PDE3A: variants seen among roughly 807,000 people sequenced by gnomAD.
The protein encoded by PDE3A is cGMP-inhibited 3',5'-cyclic phosphodiesterase 3A.
In PDE3A, 43 loss-of-function variants were observed where a neutral mutation model predicts 98.3. The observed-to-expected ratio is 0.44, with a 90% confidence interval of 0.34 to 0.56. PDE3A has a LOEUF of 0.56. PDE3A is among the 20% of genes least tolerant of loss of function. The pLI is 0.01. For synonymous variants in PDE3A, 663 were observed against 567.9 expected (o/e 1.17, Z -2.38); for missense variants, 1,427 against 1,440.7 (o/e 0.99, Z 0.15).
In PDE3A at chr12:20,685,661, G is replaced by C. The variant is rs914511416; in HGVS notation, c.*5390G>C. On this transcript the variant is annotated 3_prime_UTR_variant, in exon 16 of 16. Transcript: ENST00000359062. ...CACATTTTCTTTCCAGATACAGCTA[G>C]TTTTTCTCCACATGTTTTTAAGGTT... 5.3e-5 allele frequency among the ~76,000 whole-genome samples: 8 copies of C among 152,108 alleles called. No homozygotes were observed. The highest frequency in any genetic ancestry group is 1.2e-4 in the Non-Finnish European group (8 of 68,004).
intron 1 of PDE3A, among the ~76,000 whole-genome samples, chr12:20,477,813 A>C (rs1014724757): frequency 1.4e-4 from 22 of 152,202 alleles, no homozygotes; most frequent in Non-Finnish European, 2.1e-4. Flanking sequence ...ACGCCATAGC[A>C]ACCTGGCCTC....
chr12:20,645,828 C>G (rs1159066340), intron 10 of PDE3A, among the ~76,000 whole-genome samples: 4 of 152,124 alleles, frequency 2.6e-5, no homozygotes, highest in African/African-American at 9.7e-5. Flanking sequence ...TAGGTTTTAA[C>G]TCTTCTAAAT....
intron 1 of PDE3A, among the ~76,000 whole-genome samples, chr12:20,541,402 C>A (rs2121220543): frequency 6.6e-6 from 1 of 151,938 alleles, no homozygotes; most frequent in African/African-American, 2.4e-5. Flanking sequence ...ACCATACCTA[C>A]CCCTCTATTT....
chr12:20,678,580 T>C (rs938042092), intron 15 of PDE3A, among the ~76,000 whole-genome samples: 2 of 152,226 alleles, frequency 1.3e-5, no homozygotes, highest in Non-Finnish European at 2.9e-5. Context: ...TTATCAGTGC[T>C]TACTTGTTCC....
chr12:20,633,043 C>T (rs1311491080), intron 6 of PDE3A, among the ~76,000 whole-genome samples: 4 of 148,946 alleles, frequency 2.7e-5, no homozygotes, highest in Admixed American at 6.8e-5. Flanking sequence ...CTCCATCTCC[C>T]AGGTTCAAGC....
chr12:20,424,608 G>T (rs947843615), intron 1 of PDE3A, among the ~76,000 whole-genome samples: 22 of 152,150 alleles, frequency 1.4e-4, no homozygotes, highest in Non-Finnish European at 5.9e-5. Context: ...AGGTGGTGTA[G>T]AATGATGTTT....
chr12:20,456,560 A>G (rs1945154916), intron 1 of PDE3A, among the ~76,000 whole-genome samples: 3 of 152,088 alleles, frequency 2.0e-5, no homozygotes, highest in Non-Finnish European at 4.4e-5. Context: ...AACAGACCAG[A>G]GTTCCAGTAA....
intron 1 of PDE3A, among the ~76,000 whole-genome samples, chr12:20,410,423 G>C (rs1426714834): frequency 6.6e-6 from 1 of 152,152 alleles, no homozygotes; most frequent in African/African-American, 2.4e-5. Flanking sequence ...CATAATTTCT[G>C]TTCTTTCTGC....
intron 2 of PDE3A, among the ~76,000 whole-genome samples, chr12:20,589,463 ATAAC>A (rs1277901214): frequency 1.3e-5 from 2 of 152,174 alleles, no homozygotes; most frequent in African/African-American, 4.8e-5. Flanking sequence ...CAATGACCTG[ATAAC>A]TAACAGAAGT....
intron 1 of PDE3A, among the ~76,000 whole-genome samples, chr12:20,447,195 A>C (rs1591941869): frequency 6.6e-6 from 1 of 152,218 alleles, no homozygotes; most frequent in African/African-American, 2.4e-5. Context: ...AGTGGCTTGG[A>C]GGTGACAGTG....
chr12:20,544,064 T>C (rs1287452933), intron 1 of PDE3A, among the ~76,000 whole-genome samples: 2 of 151,724 alleles, frequency 1.3e-5, no homozygotes, highest in Non-Finnish European at 2.9e-5. Context: ...CTACACTTTT[T>C]AATTATTCAG....
chr12:20,484,099 A>G (rs182676723), intron 1 of PDE3A, among the ~76,000 whole-genome samples: 8 of 152,174 alleles, frequency 5.3e-5, no homozygotes, highest in Non-Finnish European at 8.8e-5. Flanking sequence ...CCTTGTGTAT[A>G]TATTGGAATA....
At chr12:20,485,343 G>C (rs1053359226) in intron 1 of PDE3A, among the ~76,000 whole-genome samples, 1 of 151,986 alleles carries the variant, frequency 6.6e-6, no homozygotes, top group Non-Finnish European at 1.5e-5. Flanking sequence ...TATTGGATTG[G>C]AACCTAGCCT....
chr12:20,547,043 G>T (rs1942077839), intron 1 of PDE3A, among the ~76,000 whole-genome samples: 1 of 152,018 alleles, frequency 6.6e-6, no homozygotes, highest in African/African-American at 2.4e-5. Flanking sequence ...CTGCTCCTAA[G>T]GTACCATTCC....
intron 2 of PDE3A, among the ~76,000 whole-genome samples, chr12:20,609,713 G>A (rs6487115): frequency 0.98 from 149,285 of 152,112 alleles, 73,316 homozygotes; most frequent in East Asian, 1. Flanking sequence ...CTACACCAAT[G>A]GAACAGGATA....
chr12:20,386,134 TATATATAAATATATATATAA>T (rs1250416896), intron 1 of PDE3A, among the ~76,000 whole-genome samples: 1 of 79,740 alleles, frequency 1.3e-5, no homozygotes, highest in Non-Finnish European at 2.1e-5. Context: ...TATATATAAA[TATATATAAATATATATATAA>T]ATATATATAA....
At chr12:20,407,132 G>A (rs550055159) in intron 1 of PDE3A, among the ~76,000 whole-genome samples, 14 of 152,268 alleles carry the variant, frequency 9.2e-5, no homozygotes, top group South Asian at 2.1e-4. Context: ...TTTGGGATCA[G>A]CATAGATGTT....
At chr12:20,505,361 A>G (rs995519486) in intron 1 of PDE3A, among the ~76,000 whole-genome samples, 1 of 152,110 alleles carries the variant, frequency 6.6e-6, no homozygotes, top group Non-Finnish European at 1.5e-5. Context: ...TTGCTCATCT[A>G]TAGATTGCAA....
At chr12:20,442,596 A>G (rs1229724795) in intron 1 of PDE3A, among the ~76,000 whole-genome samples, 1 of 152,160 alleles carries the variant, frequency 6.6e-6, no homozygotes, top group East Asian at 1.9e-4. Flanking sequence ...AAAGTGGGAG[A>G]CGCACGGAAA....
Sources: allele counts gnomAD v4.1 joint callset (sites outside exome capture counted in the v4.1 genomes callset), GRCh38; gene constraint gnomAD v4.1.1; transcripts MANE v1.5; gene names NCBI Gene and HGNC (gene_info 2026-07-23, HGNC 2026-07-21).